Variants in SELENOO observed in about 807,000 individuals in gnomAD.
SELENOO encodes selenoprotein O.
In SELENOO, 74 loss-of-function variants were observed where a neutral mutation model predicts 58.7. The ratio of observed to expected loss-of-function variants is 1.26; its 90% CI spans 1.04 to 1.53. The LOEUF is 1.53. Among genes scored for constraint, SELENOO ranks in the 40% most tolerant of loss-of-function variants. The pLI, the probability that SELENOO is intolerant of heterozygous loss-of-function variation, is 0.00. For synonymous variants in SELENOO, 543 were observed against 453.2 expected, an observed-to-expected ratio of 1.20 and a Z score of -2.52; for missense variants, 1,149 against 970.0, an observed-to-expected ratio of 1.18 and a Z score of -2.45.
chr22:50,216,066 G>A (rs1217244388), intron 6 of SELENOO, among the ~76,000 whole-genome samples, 199 bp downstream of exon 6: 1 of 152,184 alleles, frequency 6.6e-6, no homozygotes, highest in Non-Finnish European at 1.5e-5. Flanking sequence ...AGAGTGGCGA[G>A]GCTGACACAG....
intron 5 of SELENOO, 44 bp downstream of exon 5, chr22:50,210,955 G>T: frequency 6.2e-7 from 1 of 1,608,230 alleles, no homozygotes; most frequent in Non-Finnish European, 8.5e-7. Flanking sequence ...CTCCCGTGCT[G>T]TTGTGCTTAG....
chr22:50,206,227 G>C (rs1263733368), intron 1 of SELENOO, 90 bp from the exon 2 acceptor site: 1 of 1,149,260 alleles, frequency 8.7e-7, no homozygotes, highest in East Asian at 2.4e-5. Flanking sequence ...CACGTTACAC[G>C]CGTTCCCTCC....
chr22:50,216,265 A>G (rs1178016956), intron 6 of SELENOO, among the ~76,000 whole-genome samples: 1 of 152,260 alleles, frequency 6.6e-6, no homozygotes, highest in Non-Finnish European at 1.5e-5. Flanking sequence ...TAACTTAAAA[A>G]ACAAGACCAG....
Position 50,210,929 on chromosome 22 carries a change from G to T in SELENOO, c.1351+18G>T, listed in dbSNP as rs1449588326. 5 of 1,613,690 alleles carry T rather than the reference G, an allele frequency of 3.1e-6. No individual in the cohort carries two copies. The highest frequency in any genetic ancestry group is 1.7e-5 in the Admixed American group (1 of 60,016). ...TCTGACCGGTGAGTGACCCAGCCGT[G>T]CCCACAGCAAGGCGCCTCCCGTGCT... On this transcript the variant is annotated intron_variant, in intron 5 of 8. Transcript: ENST00000380903.
intron 1 of SELENOO, among the ~76,000 whole-genome samples, chr22:50,205,045 A>G (rs543992237): frequency 8.3e-6 from 1 of 120,248 alleles, no homozygotes; most frequent in South Asian, 3.2e-4. Context: ...AGCCACATTC[A>G]TAGAGACAAA....
chr22:50,214,101 ATGAAT>A (rs565862684), intron 5 of SELENOO, among the ~76,000 whole-genome samples: 29 of 152,020 alleles, frequency 1.9e-4, no homozygotes, highest in African/African-American at 6.5e-4. Context: ...ATTTTTATTG[ATGAAT>A]TGACTCTTTT....
At chr22:50,216,029 T>C (rs2064407422) in intron 6 of SELENOO, among the ~76,000 whole-genome samples, 162 bp downstream of exon 6, 2 of 152,312 alleles carry the variant, frequency 1.3e-5, no homozygotes, top group East Asian at 1.9e-4. Flanking sequence ...ATCTCTGCGA[T>C]GCTGGGGCCG....
rs1368329750 is a variant in SELENOO at position 50,201,020 on chromosome 22, C to T, written c.-17C>T. ...CCGGGCGGGGCAGGCTGGCTTCCGG[C>T]GGGAGCGGGGCCGCGGATGGCCGTA... On this transcript the variant is annotated 5_prime_UTR_variant, in exon 1 of 9. Coordinates refer to ENST00000380903, the MANE Select transcript of SELENOO (RefSeq NM_031454.2). 2.4e-6 allele frequency: 3 copies of T among 1,240,812 alleles called. No individual in the cohort carries two copies. Among genetic ancestry groups the T allele is most frequent in the African/African-American group, 1.6e-5 (1 of 63,242 alleles). The allele number at this position is 1,240,812 out of a possible 1,614,324, so 76.9% of individuals were successfully genotyped here.
At chr22:50,211,680 C>T (rs552010183) in intron 5 of SELENOO, among the ~76,000 whole-genome samples, 1 of 152,262 alleles carries the variant, frequency 6.6e-6, no homozygotes, top group South Asian at 2.1e-4. Context: ...TTTACTTGGT[C>T]CTTTTAATAT....
intron 5 of SELENOO, among the ~76,000 whole-genome samples, chr22:50,215,063 C>A (rs772136599): frequency 6.6e-6 from 1 of 152,174 alleles, no homozygotes; most frequent in Admixed American, 6.5e-5. Context: ...TTTTGCAGTA[C>A]GTTGCTTTGA....
rs1204853903 is a variant in SELENOO at position 50,217,241 on chromosome 22, C to T, written c.1882C>T (p.His628Tyr). Residue 628 changes from histidine (H) to tyrosine (Y), a missense_variant, in exon 9 of 9, where the codon CAC (histidine) becomes TAC (tyrosine). Physicochemically the swap from His to Tyr is moderately conservative, Grantham distance 83. Coordinates refer to ENST00000380903, the MANE Select transcript of SELENOO (RefSeq NM_031454.2). ...RVLKLLETPYHCEAGAATDAE... is the reference protein window; with the variant it reads ...RVLKLLETPYYCEAGAATDAE... The stretch of plus-strand genomic sequence containing the variant: ...GCTGAAACTACTGGAGACCCCTTAC[C>T]ACTGCGAGGCGGGGGCCGCCACAGA... 2 of 1,611,820 alleles carry T rather than the reference C, an allele frequency of 1.2e-6. No individual in the cohort carries two copies. The highest frequency in any genetic ancestry group is 2.2e-5 in the East Asian group (1 of 44,862).
In SELENOO at chr22:50,208,728, G is replaced by A. The variant is rs747721015; in HGVS notation, c.939+12G>A. The A allele has an allele frequency of 1.4e-5, 22 of 1,606,832 alleles. No individual in the cohort carries two copies. The highest frequency in any genetic ancestry group is 2.7e-5 in the African/African-American group (2 of 74,988). On this transcript the variant is annotated intron_variant, in intron 3 of 8. Coordinates refer to ENST00000380903, the MANE Select transcript of SELENOO (RefSeq NM_031454.2). The stretch of plus-strand genomic sequence containing the variant: ...CCTTCTTCCGGGAGGTCAGTGGGCC[G>A]CACGCCACCCCTCCCTGCGGGTGGA...
rs2147170255 is a variant in SELENOO, at chr22:50,217,540, C to T, written c.*171C>T. 2.9e-6 allele frequency: 3 copies of T among 1,019,898 alleles called. No homozygotes were observed. Among genetic ancestry groups the T allele is most frequent in the South Asian group, 3.3e-5 (2 of 61,300 alleles). The allele number at this position is 1,019,898 out of a possible 1,614,324, so 63.2% of individuals were successfully genotyped here. A position where few individuals can be genotyped will look rare whatever the true frequency, so the allele number is the denominator to read the frequency against. The stretch of plus-strand genomic sequence containing the variant: ...CAGTCAGGACCTGACCCGTCTCTGT[C>T]TGAGGCCGGCTCAGCAGTGCAGCCT... On this transcript the variant is annotated 3_prime_UTR_variant, in exon 9 of 9. Transcript: ENST00000380903.
chr22:50,201,827 A>C (rs1473718718), intron 1 of SELENOO, among the ~76,000 whole-genome samples: 1 of 152,220 alleles, frequency 6.6e-6, no homozygotes, highest in East Asian at 1.9e-4. Context: ...CTGGGGCTCC[A>C]AACCCAGGGG....
chr22:50,214,283 AG>A (rs1416418581), intron 5 of SELENOO, among the ~76,000 whole-genome samples: 1 of 152,086 alleles, frequency 6.6e-6, no homozygotes, highest in Non-Finnish European at 1.5e-5. Flanking sequence ...CTGGGATTAC[AG>A]GGGTGAGCAC....
chr22:50,206,596 G>A (rs1418460812), intron 2 of SELENOO, 76 bp downstream of exon 2: 6 of 1,341,240 alleles, frequency 4.5e-6, no homozygotes, highest in Non-Finnish European at 6.1e-6. Context: ...GTGCTGCTAG[G>A]ATTCTGGTAG....
chr22:50,211,441 G>T (rs59201916), intron 5 of SELENOO, among the ~76,000 whole-genome samples: 2 of 152,268 alleles, frequency 1.3e-5, no homozygotes, highest in East Asian at 3.9e-4. Context: ...TGAACAGAAG[G>T]AGCTGAGATG....
In SELENOO at chr22:50,217,401, TC is replaced by T; in HGVS notation, c.*35del. 2 of 1,605,164 alleles carry T rather than the reference TC, an allele frequency of 1.2e-6. No individual in the cohort carries two copies. Among genetic ancestry groups the T allele is most frequent in the Middle Eastern group, 1.7e-4 (1 of 6,010 alleles). On this transcript the variant is annotated 3_prime_UTR_variant, in exon 9 of 9. Coordinates refer to ENST00000380903, the MANE Select transcript of SELENOO (RefSeq NM_031454.2). Reference sequence around the variant, plus strand: ...CGGCACGCTCCACACCCCTGGAGTCTCCCGAGGCCCCCATGTGCTGCTGAGT... The same window carrying T: ...CGGCACGCTCCACACCCCTGGAGTCTCCGAGGCCCCCATGTGCTGCTGAGT...
chr22:50,212,070 C>T (rs368335808), intron 5 of SELENOO, among the ~76,000 whole-genome samples: 2 of 152,112 alleles, frequency 1.3e-5, no homozygotes, highest in East Asian at 1.9e-4. Context: ...CATCTGTATG[C>T]GTAAGGGATA....
Sources: allele counts gnomAD v4.1 joint callset (sites outside exome capture counted in the v4.1 genomes callset), GRCh38; gene constraint gnomAD v4.1.1; transcripts MANE v1.5; gene names NCBI Gene and HGNC (gene_info 2026-07-23, HGNC 2026-07-21).